The following TMEM178B variants were observed in gnomAD, a reference collection of about 807,000 sequenced individuals.
TMEM178B encodes the protein transmembrane protein 178B.
In TMEM178B, 5 loss-of-function variants were observed where a neutral mutation model predicts 31.0. The observed-to-expected ratio is 0.16, with a 90% CI of 0.08 to 0.34. TMEM178B has a LOEUF of 0.34. TMEM178B is among the 10% of genes least tolerant of loss of function. The pLI, the probability that TMEM178B is intolerant of heterozygous loss-of-function variation, is 1.00. For synonymous variants in TMEM178B, 164 were observed against 164.0 expected (o/e 1.00, Z 0.00); for missense variants, 275 against 400.3 (o/e 0.69, Z 2.67).
chr7:141,197,852 C>T (rs1397619316), intron 1 of TMEM178B, among the ~76,000 whole-genome samples: 1 of 152,160 alleles, frequency 6.6e-6, no homozygotes, highest in South Asian at 2.1e-4. Flanking sequence ...AAGCTGGTCT[C>T]GAACTCCTGA....
intron 1 of TMEM178B, among the ~76,000 whole-genome samples, chr7:141,084,978 A>G (rs534629258): frequency 6.6e-6 from 1 of 151,904 alleles, no homozygotes; most frequent in African/African-American, 2.4e-5. Context: ...TCCCGGGTTC[A>G]AGTGATTCTG....
chr7:141,425,312 C>T (rs1801292131), intron 2 of TMEM178B, among the ~76,000 whole-genome samples: 3 of 152,198 alleles, frequency 2.0e-5, no homozygotes, highest in African/African-American at 7.2e-5. Flanking sequence ...TTTGTAGTAA[C>T]CCTCTGGTGG....
chr7:141,244,669 G>T (rs956761893), intron 2 of TMEM178B, among the ~76,000 whole-genome samples: 2 of 152,182 alleles, frequency 1.3e-5, no homozygotes, highest in Non-Finnish European at 2.9e-5. Context: ...ATGCTTGTGG[G>T]CACCTGAATT....
rs112434071 is a variant in TMEM178B at position 141,197,270 on chromosome 7, T to C, written c.383-15321T>C. On this transcript the variant is annotated intron_variant, in intron 1 of 3. Coordinates refer to ENST00000565468, the MANE Select transcript of TMEM178B (RefSeq NM_001195278.2). ...ATTTTAAGATAAAGACACTTGGGTA[T>C]AGAGAGAGGGCTTCATTAATTTGGC... Among the ~76,000 whole-genome samples, 1,093 of 152,298 alleles carry C rather than the reference T, an allele frequency of 7.2e-3. 17 individuals are homozygous for C. The highest frequency in any genetic ancestry group is 0.025 in the African/African-American group (1,021 of 41,552).
the TMEM178B span, among the ~76,000 whole-genome samples, chr7:141,492,417 G>C: frequency 6.6e-6 from 1 of 152,112 alleles, no homozygotes; most frequent in Non-Finnish European, 1.5e-5. Context: ...GTTTTTGTCA[G>C]CCTTTCCCAC....
At chr7:141,228,404 C>T (rs1422912356) in intron 2 of TMEM178B, among the ~76,000 whole-genome samples, 1 of 150,490 alleles carries the variant, frequency 6.6e-6, no homozygotes, top group East Asian at 1.9e-4. Context: ...TTTTTTTAGA[C>T]TAGATTCTCA....
intron 2 of TMEM178B, among the ~76,000 whole-genome samples, chr7:141,291,247 C>T (rs534422368): frequency 1.1e-4 from 17 of 152,202 alleles, no homozygotes; most frequent in African/African-American, 4.1e-4. Flanking sequence ...AAATGACTTC[C>T]GGTTGTCTCT....
intron 1 of TMEM178B, among the ~76,000 whole-genome samples, chr7:141,110,462 C>T (rs1795215332): frequency 6.6e-6 from 1 of 152,136 alleles, no homozygotes; most frequent in South Asian, 2.1e-4. Context: ...TTTGGAGAAC[C>T]AATAAATATA....
At chr7:141,257,918 T>C (rs1286731048) in intron 2 of TMEM178B, among the ~76,000 whole-genome samples, 2 of 151,414 alleles carry the variant, frequency 1.3e-5, no homozygotes, top group Non-Finnish European at 2.9e-5. Flanking sequence ...TATCTGTTCC[T>C]CCCTTACTTC....
intron 2 of TMEM178B, among the ~76,000 whole-genome samples, chr7:141,239,265 C>T (rs1283732045): frequency 6.6e-6 from 1 of 152,018 alleles, no homozygotes; most frequent in Non-Finnish European, 1.5e-5. Context: ...TGAAATGGAG[C>T]TTTGTATGCA....
At chr7:141,116,493 A>G (rs1294693274) in intron 1 of TMEM178B, among the ~76,000 whole-genome samples, 2 of 152,096 alleles carry the variant, frequency 1.3e-5, no homozygotes, top group East Asian at 1.9e-4. Context: ...TCTCCAATGA[A>G]TTGACTCTGC....
At chr7:141,273,708 C>T (rs1195113463) in intron 2 of TMEM178B, among the ~76,000 whole-genome samples, 1 of 152,130 alleles carries the variant, frequency 6.6e-6, no homozygotes, top group Non-Finnish European at 1.5e-5. Context: ...CAGCTATAAG[C>T]AGGTCTGCCA....
At chr7:141,394,903 C>G (rs1433486858) in intron 2 of TMEM178B, among the ~76,000 whole-genome samples, 2 of 152,224 alleles carry the variant, frequency 1.3e-5, no homozygotes, top group Non-Finnish European at 2.9e-5. Flanking sequence ...TACAAGCCTG[C>G]TTTAAAGTTC....
chr7:141,194,962 A>G (rs569245674), intron 1 of TMEM178B, among the ~76,000 whole-genome samples: 97 of 152,250 alleles, frequency 6.4e-4, no homozygotes, highest in Non-Finnish European at 1.1e-3. Context: ...CCCAACCTGT[A>G]CATCAACCAC....
chr7:141,252,980 G>A (rs1014785842), intron 2 of TMEM178B, among the ~76,000 whole-genome samples: 2 of 152,190 alleles, frequency 1.3e-5, no homozygotes, highest in Non-Finnish European at 2.9e-5. Context: ...CCATTGGGAG[G>A]CACCACCAGA....
the TMEM178B span, among the ~76,000 whole-genome samples, chr7:141,495,376 C>G: frequency 6.6e-6 from 1 of 152,196 alleles, no homozygotes; most frequent in Admixed American, 6.5e-5. Context: ...TAAAATAGCA[C>G]CAACAATGCC....
intron 2 of TMEM178B, among the ~76,000 whole-genome samples, chr7:141,337,663 A>G (rs1799447712): frequency 6.6e-6 from 1 of 152,140 alleles, no homozygotes; most frequent in Non-Finnish European, 1.5e-5. Context: ...CAGGATATTT[A>G]TGTGTGTGCT....
downstream of TMEM178B, among the ~76,000 whole-genome samples, chr7:141,484,530 T>A (rs144929472): frequency 3.2e-3 from 494 of 152,298 alleles, 5 homozygotes; most frequent in African/African-American, 0.011. The surrounding 1 kb of genome is among the most constrained non-coding windows in gnomAD (Gnocchi z 4.8). Context: ...AAAGATTGCT[T>A]CAACACTTCT....
intron 2 of TMEM178B, among the ~76,000 whole-genome samples, chr7:141,357,648 G>A (rs931516303): frequency 1.1e-4 from 17 of 152,038 alleles, no homozygotes; most frequent in South Asian, 2.1e-4. Flanking sequence ...TAATTTTTGC[G>A]GGTGTATTTA....
Sources: gnomAD v4.1 joint callset for allele counts (sites outside exome capture counted in the v4.1 genomes callset) on GRCh38, gnomAD v4.1.1 for gene constraint, Gnocchi (gnomAD v3.1) non-coding constraint, MANE v1.5 for transcripts, NCBI Gene and HGNC (gene_info 2026-07-23, HGNC 2026-07-21) for gene names.